The following BCKDHB variants were observed in gnomAD, a reference collection of about 807,000 sequenced individuals.
The protein encoded by BCKDHB is 2-oxoisovalerate dehydrogenase subunit beta, mitochondrial.
In BCKDHB, 41 loss-of-function variants were observed where a neutral mutation model predicts 48.5. The observed-to-expected ratio is 0.85, with a 90% CI of 0.66 to 1.10. BCKDHB has a LOEUF of 1.10. BCKDHB is among the 50% of genes least tolerant of loss of function. The pLI is 0.00. For synonymous variants in BCKDHB, 201 were observed against 174.8 expected (o/e 1.15, Z -1.18); for missense variants, 496 against 494.2 (o/e 1.00, Z -0.03).
At chr6:80,148,618 A>G (rs1269630648) in intron 3 of BCKDHB, among the ~76,000 whole-genome samples, 1 of 152,130 alleles carries the variant, frequency 6.6e-6, no homozygotes, top group Non-Finnish European at 1.5e-5. Flanking sequence ...ATTTAAAAAT[A>G]TCTGTGAGAT....
Position 80,188,077 on chromosome 6 carries a change from T to A in BCKDHB, c.743-12857T>A, listed in dbSNP as rs186761197. Among the ~76,000 whole-genome samples, 332 of 152,236 alleles carry A rather than the reference T, an allele frequency of 2.2e-3. 2 individuals carry two copies. The highest frequency in any genetic ancestry group is 3.4e-3 in the Non-Finnish European group (234 of 68,008). ...CAATAGCAAAGACGTAAAATCAACCTAAATGCCCATCAATGATAGACTGGG... is the reference window on the plus strand; with the variant it reads ...CAATAGCAAAGACGTAAAATCAACCAAAATGCCCATCAATGATAGACTGGG... On this transcript the variant is annotated intron_variant, in intron 6 of 9. Coordinates refer to ENST00000320393, the MANE Select transcript of BCKDHB (RefSeq NM_183050.4).
the BCKDHB span, among the ~76,000 whole-genome samples, chr6:80,429,870 T>C: frequency 4.6e-4 from 70 of 152,352 alleles, 3 homozygotes; most frequent in Admixed American, 2.0e-3. Context: ...TTCTCTTACC[T>C]GATTGCCCTG....
chr6:80,445,103 T>C, the BCKDHB span, among the ~76,000 whole-genome samples: 5 of 152,200 alleles, frequency 3.3e-5, 1 homozygote, highest in Admixed American at 3.3e-4. Context: ...TCCTTGCCTC[T>C]TGTTTATATC....
At position 80,178,433 on chromosome 6, in the gene BCKDHB, A is replaced by G. The variant is rs183117181; in HGVS notation, c.742+7043A>G. Among the ~76,000 whole-genome samples the G allele has an allele frequency of 3.9e-5, 6 of 152,334 alleles. No individual in the cohort carries two copies. The East Asian group carries it at 1.2e-3, about 29-fold the overall frequency. ...TGAAAATATCCTTCGTTAATAGCACAATAAACTGCAGCTGTCATGATTTAA... is the reference window on the plus strand; with the variant it reads ...TGAAAATATCCTTCGTTAATAGCACGATAAACTGCAGCTGTCATGATTTAA... On this transcript the variant is annotated intron_variant, in intron 6 of 9. Coordinates refer to ENST00000320393, the MANE Select transcript of BCKDHB (RefSeq NM_183050.4).
the BCKDHB span, among the ~76,000 whole-genome samples, chr6:80,419,550 G>A: frequency 6.6e-6 from 1 of 152,170 alleles, no homozygotes; most frequent in African/African-American, 2.4e-5. Context: ...CCCTGGCCAT[G>A]CTTTATTACA....
chr6:80,288,330 G>A (rs1766727807), intron 9 of BCKDHB, among the ~76,000 whole-genome samples: 1 of 46,956 alleles, frequency 2.1e-5, no homozygotes, highest in Admixed American at 3.4e-4. Context: ...GAATTGTTAA[G>A]CATTTATTAT....
At chr6:80,182,800 TA>T (rs1254186764) in intron 6 of BCKDHB, among the ~76,000 whole-genome samples, 1 of 152,200 alleles carries the variant, frequency 6.6e-6, no homozygotes, top group Non-Finnish European at 1.5e-5. Context: ...TATGTGAGTG[TA>T]TAAAATGTAC....
At chr6:80,152,727 A>G (rs903030955) in intron 3 of BCKDHB, among the ~76,000 whole-genome samples, 2 of 152,200 alleles carry the variant, frequency 1.3e-5, no homozygotes, top group African/African-American at 4.8e-5. Context: ...GCCTTATCAA[A>G]ACTAGCACTG....
At chr6:80,305,838 T>C (rs192670254) in intron 9 of BCKDHB, among the ~76,000 whole-genome samples, 13 of 152,300 alleles carry the variant, frequency 8.5e-5, no homozygotes, top group Admixed American at 7.8e-4. Context: ...TCCTCCTATC[T>C]TACTGAACTG....
intron 6 of BCKDHB, among the ~76,000 whole-genome samples, chr6:80,192,251 T>G: frequency 6.6e-6 from 1 of 152,306 alleles, no homozygotes; most frequent in South Asian, 2.1e-4. Context: ...TTTTTCTATC[T>G]CTGTATAATT....
intron 1 of BCKDHB, among the ~76,000 whole-genome samples, chr6:80,124,055 C>T (rs1009047358): frequency 2.6e-5 from 4 of 152,192 alleles, no homozygotes; most frequent in Non-Finnish European, 5.9e-5. Flanking sequence ...CCTCTCCACA[C>T]TGCTTTAAAT....
chr6:80,200,933 G>C lies in BCKDHB; in HGVS notation c.743-1G>C. ...TTTTTTTTTTCCTGTTCTGTATTTA[G>C]CGGAAGAAGTCCCTATAGAACCATA... is the stretch of plus-strand genomic sequence containing the variant. On this transcript the variant is annotated splice_acceptor_variant, in intron 6 of 9. Transcript: ENST00000320393. LOFTEE classifies it high-confidence loss of function. The C allele has an allele frequency of 6.3e-7, 1 of 1,599,976 alleles. No homozygotes were observed. Among genetic ancestry groups the C allele is most frequent in the East Asian group, 2.2e-5 (1 of 44,728 alleles).
At chr6:80,295,760 T>C (rs1277049709) in intron 9 of BCKDHB, among the ~76,000 whole-genome samples, 1 of 152,068 alleles carries the variant, frequency 6.6e-6, no homozygotes, top group Non-Finnish European at 1.5e-5. Flanking sequence ...TCAGGGGAAC[T>C]CCTCTTTATA....
the BCKDHB span, among the ~76,000 whole-genome samples, chr6:80,380,185 T>C: frequency 6.6e-6 from 1 of 152,162 alleles, no homozygotes; most frequent in East Asian, 1.9e-4. Flanking sequence ...GACTTCAAAT[T>C]ATATTACAAG....
intron 9 of BCKDHB, among the ~76,000 whole-genome samples, chr6:80,321,216 C>T (rs1417855503): frequency 2.0e-5 from 3 of 152,112 alleles, no homozygotes; most frequent in African/African-American, 7.2e-5. Flanking sequence ...GTGATGTCTG[C>T]CTTGGGTACA....
chr6:80,422,220 G>T, the BCKDHB span, among the ~76,000 whole-genome samples: 5 of 152,202 alleles, frequency 3.3e-5, no homozygotes, highest in African/African-American at 9.7e-5. Flanking sequence ...GGCTTCAGAG[G>T]GTACAAACCC....
chr6:80,313,183 C>T (rs1016316639), intron 9 of BCKDHB, among the ~76,000 whole-genome samples: 1 of 152,122 alleles, frequency 6.6e-6, no homozygotes. Context: ...GAAATTTATC[C>T]ATTTCTTCTG....
chr6:80,425,654 A>G, the BCKDHB span, among the ~76,000 whole-genome samples: 2 of 152,188 alleles, frequency 1.3e-5, no homozygotes, highest in Non-Finnish European at 2.9e-5. Flanking sequence ...AATGAAACCT[A>G]AGACATCTGA....
At position 80,269,559 on chromosome 6, in the gene BCKDHB, T is replaced by A. The variant is rs539952538; in HGVS notation, c.952-3576T>A. ...TAACTCATTGGTGCTCCATCTGCCA[T>A]AGCCCGGAATCCAGGAACAGTACTC... On this transcript the variant is annotated intron_variant, in intron 8 of 9. Coordinates refer to ENST00000320393, the MANE Select transcript of BCKDHB (RefSeq NM_183050.4). Among the ~76,000 whole-genome samples the A allele has an allele frequency of 2.6e-5, 4 of 152,140 alleles. No individual in the cohort carries two copies. The East Asian group carries it at 7.8e-4, about 30-fold the overall frequency.
Sources: gnomAD v4.1 joint callset for allele counts (sites outside exome capture counted in the v4.1 genomes callset) on GRCh38, gnomAD v4.1.1 for gene constraint, MANE v1.5 for transcripts, NCBI Gene and HGNC (gene_info 2026-07-23, HGNC 2026-07-21) for gene names.